The following ADIPOR2 variants were observed in gnomAD, a reference collection of about 807,000 sequenced individuals.
ADIPOR2 encodes adiponectin receptor 2.
ADIPOR2 carries 18 observed loss-of-function variants against 40.9 expected under a neutral mutation model. That is an observed-to-expected ratio of 0.44 (90% CI 0.30 to 0.65). The LOEUF is 0.65. Ranked by LOEUF, ADIPOR2 falls within the 30% of genes least tolerant of loss-of-function variation. The pLI, the probability that ADIPOR2 is intolerant of heterozygous loss-of-function variation, is 0.09. For missense variants in ADIPOR2, 283 were observed against 479.2 expected (o/e 0.59, Z 3.82); for synonymous variants, 165 against 166.4 (o/e 0.99, Z 0.06).
At chr12:1,698,302 A>G (rs545187718) in intron 1 of ADIPOR2, among the ~76,000 whole-genome samples, 2 of 152,088 alleles carry the variant, frequency 1.3e-5, no homozygotes, top group African/African-American at 4.8e-5. Flanking sequence ...CCATGGCACA[A>G]TCACGGCTCA....
chr12:1,695,011 G>GT (rs199627849), intron 1 of ADIPOR2, among the ~76,000 whole-genome samples: 50,996 of 127,920 alleles, frequency 0.4, 10,481 homozygotes, highest in Non-Finnish European at 0.52. Flanking sequence ...TTGTGTTGCA[G>GT]TTTTTTTTTT....
chr12:1,758,495 G>A (rs781700927), intron 2 of ADIPOR2, among the ~76,000 whole-genome samples: 2 of 152,258 alleles, frequency 1.3e-5, no homozygotes, highest in Admixed American at 6.5e-5. Context: ...GAAAATTTGC[G>A]TGTGTATGTT....
At chr12:1,719,123 A>T (rs1169202069) in intron 1 of ADIPOR2, among the ~76,000 whole-genome samples, 1 of 151,918 alleles carries the variant, frequency 6.6e-6, no homozygotes, top group Non-Finnish European at 1.5e-5. Flanking sequence ...ATATGTTGGG[A>T]ACTTTTGCCA....
At chr12:1,727,731 G>A (rs1374293972) in intron 1 of ADIPOR2, among the ~76,000 whole-genome samples, 1 of 151,906 alleles carries the variant, frequency 6.6e-6, no homozygotes, top group African/African-American at 2.4e-5. Context: ...GCCCCTTGGG[G>A]TATTCTCTTC....
At chr12:1,757,826 C>T (rs1862173860) in intron 2 of ADIPOR2, 1 of 835,714 alleles carries the variant, frequency 1.2e-6, no homozygotes, top group Non-Finnish European at 2.1e-6. Flanking sequence ...TGCATGTAAT[C>T]TTCTTTACTT....
chr12:1,691,090 G>C lies in ADIPOR2; in HGVS notation c.-188G>C, dbSNP rs2094625683. ...ATTCCAGAAGCGGCATCGCGGCGGC[G>C]GCAGCGGCGGCGGCTACACCGGGCT... On this transcript the variant is annotated 5_prime_UTR_variant, in exon 1 of 8. Transcript: ENST00000357103. The C allele has an allele frequency of 6.0e-6, 1 of 166,022 alleles. No homozygotes were observed. Among genetic ancestry groups the C allele is most frequent in the South Asian group, 1.3e-4 (1 of 7,848 alleles). 10.3% of individuals were successfully genotyped at this position (166,022 alleles called of 1,614,324 possible).
intron 1 of ADIPOR2, among the ~76,000 whole-genome samples, chr12:1,716,370 A>G (rs2094687658): frequency 1.3e-5 from 2 of 152,184 alleles, no homozygotes; most frequent in Non-Finnish European, 2.9e-5. Flanking sequence ...AGTTATTAAT[A>G]TGACCAGAAA....
chr12:1,771,886 A>C (rs1862501024), intron 2 of ADIPOR2, among the ~76,000 whole-genome samples: 1 of 152,210 alleles, frequency 6.6e-6, no homozygotes, highest in Non-Finnish European at 1.5e-5. Flanking sequence ...TGTCTTATTC[A>C]TTGAGTTAAA....
At position 1,743,242 on chromosome 12, in the gene ADIPOR2, A is replaced by AAAAAC. The variant is rs1565645441; in HGVS notation, c.-86-11012_-86-11008dup. ...CCCCATCTCTACCAAAAAAAAAAAAAAAAACAAAGCAGTGAGCCAAGATTG... is the reference window on the plus strand; with the variant it reads ...CCCCATCTCTACCAAAAAAAAAAAAAAAAACAAAACAAAGCAGTGAGCCAAGATTG... On this transcript the variant is annotated intron_variant, in intron 1 of 7. Transcript: ENST00000357103. 5.9e-5 allele frequency among the ~76,000 whole-genome samples: 8 copies of AAAAAC among 134,558 alleles called. 1 individual carries two copies. Among genetic ancestry groups the AAAAAC allele is most frequent in the Non-Finnish European group, 9.5e-5 (6 of 63,386 alleles). 88.3% of individuals were successfully genotyped at this position (134,558 alleles called of 152,430 possible). A position where few individuals can be genotyped will look rare whatever the true frequency, so the allele number is the denominator to read the frequency against.
At position 1,784,093 on chromosome 12, in the gene ADIPOR2, T is replaced by C. The variant is rs1037353387; in HGVS notation, c.1032+20T>C. The C allele has an allele frequency of 1.3e-6, 2 of 1,556,808 alleles. No individual in the cohort carries two copies. The highest frequency in any genetic ancestry group is 1.4e-5 in the African/African-American group (1 of 73,138). ...ATCTGGGTAAGTATGTCGGGGTGAC[T>C]GAGTGTGTAGGTATCTGCTCATGAG... On this transcript the variant is annotated intron_variant, in intron 7 of 7. Transcript: ENST00000357103.
Position 1,701,127 on chromosome 12 carries a change from C to CTTT in ADIPOR2, c.-87+9953_-87+9955dup, listed in dbSNP as rs34379541. Among the ~76,000 whole-genome samples, 463 of 123,718 alleles carry CTTT rather than the reference C, an allele frequency of 3.7e-3. 5 individuals carry two copies. Among genetic ancestry groups the CTTT allele is most frequent in the Admixed American group, 4.9e-3 (54 of 10,940 alleles). The allele number at this position is 123,718 out of a possible 152,430, so 81.2% of individuals were successfully genotyped here. The stretch of plus-strand genomic sequence containing the variant: ...CTATTATTCTGAGTATGGTGTTGAT[C>CTTT]TTTTTTTTTTTTTTTTTTTGGAAAC... On this transcript the variant is annotated intron_variant, in intron 1 of 7. Transcript: ENST00000357103.
intron 1 of ADIPOR2, among the ~76,000 whole-genome samples, chr12:1,723,519 T>C (rs2094701949): frequency 6.7e-6 from 1 of 150,370 alleles, no homozygotes; most frequent in South Asian, 2.1e-4. Context: ...TGCCTGTGCC[T>C]GTACTCCCAG....
At position 1,778,039 on chromosome 12, in the gene ADIPOR2, G is replaced by A. The variant is rs766625616; in HGVS notation, c.463+14G>A. The A allele has an allele frequency of 3.1e-6, 5 of 1,605,160 alleles. No homozygotes were observed. The highest frequency in any genetic ancestry group is 3.4e-6 in the Non-Finnish European group (4 of 1,175,760). On this transcript the variant is annotated intron_variant, in intron 4 of 7. Transcript: ENST00000357103. ...CACATCTCTTAGGTATGTAATGTCAGTGATGTAATGAGCTGGTGATTCACT... is the reference window on the plus strand; with the variant it reads ...CACATCTCTTAGGTATGTAATGTCAATGATGTAATGAGCTGGTGATTCACT...
intron 1 of ADIPOR2, among the ~76,000 whole-genome samples, chr12:1,743,246 A>AAAAC (rs71055191): frequency 6.0e-5 from 9 of 149,544 alleles, no homozygotes; most frequent in African/African-American, 1.5e-4. Flanking sequence ...AAAAAAAAAA[A>AAAAC]CAAAGCAGTG....
chr12:1,781,693 T>C (rs1302760550), intron 6 of ADIPOR2, among the ~76,000 whole-genome samples: 3 of 152,204 alleles, frequency 2.0e-5, no homozygotes, highest in Non-Finnish European at 4.4e-5. Context: ...AGAGATGTTC[T>C]TGTCTCCTAC....
chr12:1,692,005 A>T (rs866151887), intron 1 of ADIPOR2, among the ~76,000 whole-genome samples: 36 of 151,986 alleles, frequency 2.4e-4, no homozygotes, highest in Admixed American at 5.9e-4. Context: ...CTTTTTTTTT[A>T]AAATAAGATG....
chr12:1,782,410 T>C (rs1862735737), intron 6 of ADIPOR2, among the ~76,000 whole-genome samples: 1 of 152,102 alleles, frequency 6.6e-6, no homozygotes, highest in African/African-American at 2.4e-5. Context: ...TTGTTAACTC[T>C]GTGTCAAAAT....
chr12:1,761,875 A>G (rs190135893), intron 2 of ADIPOR2, among the ~76,000 whole-genome samples: 1 of 152,362 alleles, frequency 6.6e-6, no homozygotes, highest in African/African-American at 2.4e-5. Context: ...TCTTAAAAAT[A>G]TAAAGTTTAT....
At chr12:1,737,593 A>T (rs1231616449) in intron 1 of ADIPOR2, among the ~76,000 whole-genome samples, 1 of 151,920 alleles carries the variant, frequency 6.6e-6, no homozygotes, top group Non-Finnish European at 1.5e-5. Flanking sequence ...CTGTTTATAT[A>T]TTTTTTGGAG....
Sources: gnomAD v4.1 joint callset for allele counts (sites outside exome capture counted in the v4.1 genomes callset) on GRCh38, gnomAD v4.1.1 for gene constraint, MANE v1.5 for transcripts, NCBI Gene and HGNC (gene_info 2026-07-23, HGNC 2026-07-21) for gene names.